The following SRMS variants were observed in gnomAD, a reference collection of about 807,000 sequenced individuals.
The protein encoded by SRMS is tyrosine-protein kinase Srms.
Under a neutral mutation model 43.5 loss-of-function variants are expected in SRMS, and 42 were observed. The observed-to-expected ratio is 0.97, with a 90% CI of 0.75 to 1.25. The LOEUF is 1.25. Ranked by LOEUF, SRMS falls within the 50% of genes most tolerant of loss-of-function variation. SRMS has a pLI of 0.00. For missense variants in SRMS, 703 were observed against 681.0 expected (o/e 1.03, Z -0.36); for synonymous variants, 316 against 308.2 (o/e 1.03, Z -0.27).
At position 63,547,180 on chromosome 20, in the gene SRMS, C is replaced by T; in HGVS notation, c.284G>A (p.Gly95Asp). ...GGYIFARRLS[G>D]QPSAGLVPIT... ...GGGCACGAGCCCGGCGCTGGGCTGG[C>T]CCGAAAGCCTGCGTGCGAAGATGTA... Residue 95 changes from glycine (G) to aspartate (D), a missense_variant, in exon 1 of 8, where the codon GGC (glycine) becomes GAC (aspartate). By Grantham distance (94) the Gly-to-Asp change is moderately conservative. Coordinates refer to ENST00000217188, the MANE Select transcript of SRMS (RefSeq NM_080823.4). 6.2e-7 allele frequency: 1 copy of T among 1,611,808 alleles called. No homozygotes were observed. Among genetic ancestry groups the T allele is most frequent in the African/African-American group, 1.3e-5 (1 of 74,986 alleles).
At chr20:63,543,851 A>C (rs1364452220) in intron 2 of SRMS, 1 of 362,492 alleles carries the variant, frequency 2.8e-6, no homozygotes. Context: ...TGAACAAATC[A>C]GTGAATAAAT....
In SRMS at chr20:63,547,631, A is replaced by T. The variant is rs1375863859; in HGVS notation, c.-168T>A. The T allele has an allele frequency of 1.6e-6, 1 of 621,786 alleles. No individual in the cohort carries two copies. Among genetic ancestry groups the T allele is most frequent in the African/African-American group, 2.0e-5 (1 of 51,084 alleles). The allele number at this position is 621,786 out of a possible 1,614,324, so 38.5% of individuals were successfully genotyped here. ...CAGAGGTCCCCTGGATCCAGGAGGC[A>T]CACGGTTCCCACCGGCGTCCGGGCT... On this transcript the variant is annotated 5_prime_UTR_variant, in exon 1 of 8. Coordinates refer to ENST00000217188, the MANE Select transcript of SRMS (RefSeq NM_080823.4).
rs546690881 is a variant in SRMS, at chr20:63,540,955, G to A, written c.1330C>T (p.Arg444Trp). 39 of 1,608,062 alleles carry A rather than the reference G, an allele frequency of 2.4e-5. No homozygotes were observed. Among genetic ancestry groups the A allele is most frequent in the Middle Eastern group, 3.3e-4 (2 of 6,056 alleles). ...ETLQQIMRGY[R>W]LPRPAACPAE... ...GGGCAGGCAGCCGGGCGCGGCAGCCGGTACCCTCGCATGATCTGCTGCAGC... is the reference window on the plus strand; with the variant it reads ...GGGCAGGCAGCCGGGCGCGGCAGCCAGTACCCTCGCATGATCTGCTGCAGC... Residue 444 changes from arginine (R) to tryptophan (W), a missense_variant, in exon 8 of 8, where the codon CGG becomes TGG. Coordinates refer to ENST00000217188, the MANE Select transcript of SRMS (RefSeq NM_080823.4).
At position 63,543,489 on chromosome 20, in the gene SRMS, G is replaced by C. The variant is rs1462171869; in HGVS notation, c.479-9C>G. ...CTTGGCCTGGGCCCGGACTAGGAAG[G>C]GTTCAGAGATGGAGACCCCTGCCTT... On this transcript the variant is annotated splice_polypyrimidine_tract_variant and intron_variant, in intron 2 of 7. Transcript: ENST00000217188. 5.0e-6 allele frequency: 8 copies of C among 1,611,400 alleles called. No individual in the cohort carries two copies. The Admixed American group carries it at 5.0e-5, about 10-fold the overall frequency.
Position 63,547,412 on chromosome 20 carries a change from T to G in SRMS, c.52A>C (p.Lys18Gln). The G allele has an allele frequency of 6.4e-7, 1 of 1,552,404 alleles. No individual in the cohort carries two copies. The highest frequency in any genetic ancestry group is 1.2e-5 in the South Asian group (1 of 86,094). ...RLAFLSFFWD[K>Q]IWPAGGEPDH... The stretch of plus-strand genomic sequence containing the variant: ...GGCTCGCCGCCCGCCGGCCAGATCT[T>G]GTCCCAGAAGAAGGACAGGAAGGCC... Residue 18 changes from lysine (K) to glutamine (Q), a missense_variant, in exon 1 of 8, where the codon AAG (lysine) becomes CAG (glutamine). Coordinates refer to ENST00000217188, the MANE Select transcript of SRMS (RefSeq NM_080823.4).
At chr20:63,542,982 C>T (rs6011893) in intron 3 of SRMS, among the ~76,000 whole-genome samples, 19,593 of 152,144 alleles carry the variant, frequency 0.13, 4,078 homozygotes, top group African/African-American at 0.44. Context: ...CCACACCTTC[C>T]GCCCTTGGGG....
rs1009637961 is a variant in SRMS at position 63,540,571 on chromosome 20, G to C, written c.*247C>G. On this transcript the variant is annotated 3_prime_UTR_variant, in exon 8 of 8. Coordinates refer to ENST00000217188, the MANE Select transcript of SRMS (RefSeq NM_080823.4). ...GTCAGCCCCAGCCCTTCGTCTGCAC[G>C]AGTCACACTGCATGGGGGACGTCAG... is the stretch of plus-strand genomic sequence containing the variant. Among the ~76,000 whole-genome samples the C allele has an allele frequency of 6.6e-6, 1 of 151,780 alleles. No individual in the cohort carries two copies. The highest frequency in any genetic ancestry group is 1.5e-5 in the Non-Finnish European group (1 of 67,904).
At chr20:63,546,983 G>A (rs990667498) in intron 1 of SRMS, 125 bp downstream of exon 1, 19 of 912,112 alleles carry the variant, frequency 2.1e-5, no homozygotes, top group South Asian at 7.5e-5. Context: ...GAATGAATGC[G>A]TGGATGAACG....
rs2040399004 is a variant in SRMS, at chr20:63,547,692, C to T, written c.-229G>A. On this transcript the variant is annotated 5_prime_UTR_variant, in exon 1 of 8. Transcript: ENST00000217188. ...CTGGGTGGGGCGCAGGGCGGACCCCCTGCCTCAGGCACACCGACAGCACCT... is the reference window on the plus strand; with the variant it reads ...CTGGGTGGGGCGCAGGGCGGACCCCTTGCCTCAGGCACACCGACAGCACCT... Among the ~76,000 whole-genome samples the T allele has an allele frequency of 6.6e-6, 1 of 152,202 alleles. No homozygotes were observed. The highest frequency in any genetic ancestry group is 6.5e-5 in the Admixed American group (1 of 15,270).
rs1355089526 is a variant in SRMS at position 63,538,676 on chromosome 20, C to T, written c.*2142G>A. On this transcript the variant is annotated 3_prime_UTR_variant, in exon 8 of 8. Transcript: ENST00000217188. Reference sequence around the variant, plus strand: ...GCCTGGGCAGTGTCCCTCAGGCCCTCCCAGCTCTGTCTGGGGTCGGTTGGG... The same window carrying T: ...GCCTGGGCAGTGTCCCTCAGGCCCTTCCAGCTCTGTCTGGGGTCGGTTGGG... 6.7e-6 allele frequency among the ~76,000 whole-genome samples: 1 copy of T among 148,798 alleles called. No homozygotes were observed. Among genetic ancestry groups the T allele is most frequent in the Non-Finnish European group, 1.5e-5 (1 of 67,388 alleles).
At position 63,540,225 on chromosome 20, in the gene SRMS, C is replaced by T. The variant is rs1390517558; in HGVS notation, c.*593G>A. ...CAGTGTGTCTGTGAGGGGCAGGTGA[C>T]GGTGCCACCCCGTGCCTACATACCA... On this transcript the variant is annotated 3_prime_UTR_variant, in exon 8 of 8. Transcript: ENST00000217188. Among the ~76,000 whole-genome samples the T allele has an allele frequency of 6.6e-6, 1 of 152,180 alleles. No individual in the cohort carries two copies. The highest frequency in any genetic ancestry group is 1.5e-5 in the Non-Finnish European group (1 of 68,016).
rs375342154 is a variant in SRMS at position 63,540,539 on chromosome 20, G to A, written c.*279C>T. ...TCCGTCTGCACGAGTCACACTGCAC[G>A]GGGAACGTCAGCCCCAGCCCTTCGT... On this transcript the variant is annotated 3_prime_UTR_variant, in exon 8 of 8. Transcript: ENST00000217188. 4.0e-5 allele frequency among the ~76,000 whole-genome samples: 6 copies of A among 151,874 alleles called. No individual in the cohort carries two copies. Among genetic ancestry groups the A allele is most frequent in the Non-Finnish European group, 7.4e-5 (5 of 67,914 alleles).
At position 63,540,006 on chromosome 20, in the gene SRMS, G is replaced by GC. The variant is rs2082693906; in HGVS notation, c.*811_*812insG. Among the ~76,000 whole-genome samples, 6 of 152,222 alleles carry GC rather than the reference G, an allele frequency of 3.9e-5. No individual in the cohort carries two copies. The highest frequency in any genetic ancestry group is 7.2e-5 in the African/African-American group (3 of 41,446). On this transcript the variant is annotated 3_prime_UTR_variant, in exon 8 of 8. Coordinates refer to ENST00000217188, the MANE Select transcript of SRMS (RefSeq NM_080823.4). ...CGCTCTCTGGGCACCATGATGTCCT[G>GC]GGCTGGGGGTCCGGGCGGCATGGGG... is the stretch of plus-strand genomic sequence containing the variant.
Position 63,540,068 on chromosome 20 carries a change from G to C in SRMS, c.*750C>G, listed in dbSNP as rs310652. Among the ~76,000 whole-genome samples, 42,580 of 152,200 alleles carry C rather than the reference G, an allele frequency of 0.28. 14,757 individuals carry two copies. Among genetic ancestry groups the C allele is most frequent in the African/African-American group, 0.82 (34,013 of 41,488 alleles). ...CTGCATTTTCTAGCCACGTGGACCC[G>C]TACGCTCCAGCTCCTGGGTCTGGGT... On this transcript the variant is annotated 3_prime_UTR_variant, in exon 8 of 8. Transcript: ENST00000217188.
chr20:63,547,610 G>T lies in SRMS; in HGVS notation c.-147C>A. ...GACCCCGGCCCTGCGGTCACTCAGAGGTCCCCTGGATCCAGGAGGCACACG... is the reference window on the plus strand; with the variant it reads ...GACCCCGGCCCTGCGGTCACTCAGATGTCCCCTGGATCCAGGAGGCACACG... On this transcript the variant is annotated 5_prime_UTR_variant, in exon 1 of 8. Transcript: ENST00000217188. 2 of 719,908 alleles carry T rather than the reference G, an allele frequency of 2.8e-6. No homozygotes were observed. The highest frequency in any genetic ancestry group is 4.2e-6 in the Non-Finnish European group (2 of 470,670). 44.6% of individuals were successfully genotyped at this position (719,908 alleles called of 1,614,324 possible). A position where few individuals can be genotyped will look rare whatever the true frequency, so the allele number is the denominator to read the frequency against.
rs1255109494 is a variant in SRMS, at chr20:63,547,223, G to A, written c.241C>T (p.Leu81Phe). The stretch of plus-strand genomic sequence containing the variant: ...AAGATGTAGCCGCCCCCCTCTTCGA[G>A]GGCACAGAGCCTGTCCCCGCGGCGG... ...SVRRGDRLCALEEGGGYIFAR... is the reference protein window; with the variant it reads ...SVRRGDRLCAFEEGGGYIFAR... The change falls in exon 1 of 8, where the codon CTC (leucine) becomes TTC (phenylalanine). Residue 81 changes from leucine to phenylalanine, a missense_variant. Transcript: ENST00000217188. 5 of 1,612,044 alleles carry A rather than the reference G, an allele frequency of 3.1e-6. No homozygotes were observed. Among genetic ancestry groups the A allele is most frequent in the Non-Finnish European group, 4.2e-6 (5 of 1,179,632 alleles).
rs140224808 is a variant in SRMS, at chr20:63,542,299, G to A, written c.810C>T (p.Leu270=). 365 of 1,610,886 alleles carry A rather than the reference G, an allele frequency of 2.3e-4. No individual in the cohort carries two copies. The Middle Eastern group carries it at 2.5e-3, about 11-fold the overall frequency. The change falls in exon 5 of 8, where the codon CTC becomes CTT. Residue 270 remains leucine (L), a synonymous_variant. Coordinates refer to ENST00000217188, the MANE Select transcript of SRMS (RefSeq NM_080823.4). The part of the protein sequence containing the change: ...IKSANMKLTD[L]AKEIQTLKGL... ...CCTTCAGTGTCTGGATCTCCTTGGC[G>A]AGGTCAGTGAGCTTCATGTTGGCTG...
At position 63,539,185 on chromosome 20, in the gene SRMS, G is replaced by A. The variant is rs979395114; in HGVS notation, c.*1633C>T. On this transcript the variant is annotated 3_prime_UTR_variant, in exon 8 of 8. Transcript: ENST00000217188. ...CTGGGCAGGTGGCCAGGGTCCCAAAGGCTCAGATAAAGCCTCTTGCCTCCA... is the reference window on the plus strand; with the variant it reads ...CTGGGCAGGTGGCCAGGGTCCCAAAAGCTCAGATAAAGCCTCTTGCCTCCA... Among the ~76,000 whole-genome samples, 12 of 152,186 alleles carry A rather than the reference G, an allele frequency of 7.9e-5. No homozygotes were observed. The highest frequency in any genetic ancestry group is 1.5e-4 in the Non-Finnish European group (10 of 68,022).
chr20:63,545,483 G>A (rs184692979), intron 1 of SRMS, among the ~76,000 whole-genome samples: 26 of 152,314 alleles, frequency 1.7e-4, no homozygotes, highest in Non-Finnish European at 3.5e-4. Flanking sequence ...GAGAGGACCC[G>A]AGGTGGGCCT....
Sources: allele counts gnomAD v4.1 joint callset (sites outside exome capture counted in the v4.1 genomes callset), GRCh38; gene constraint gnomAD v4.1.1; transcripts MANE v1.5; gene names NCBI Gene and HGNC (gene_info 2026-07-23, HGNC 2026-07-21).